The following IGF2R variants were observed in gnomAD, a reference collection of about 807,000 sequenced individuals.
IGF2R encodes the protein insulin like growth factor 2 receptor.
A neutral mutation model predicts 270.6 loss-of-function variants in IGF2R; 91 were observed. The observed-to-expected ratio is 0.34, with a 90% CI of 0.28 to 0.40. The LOEUF is 0.40. IGF2R is among the 10% of genes least tolerant of loss of function. IGF2R has a pLI of 1.00. For synonymous variants in IGF2R, 1,316 were observed against 1,258.9 expected, an observed-to-expected ratio of 1.05 and a Z score of -0.96; for missense variants, 2,805 against 3,188.3, an observed-to-expected ratio of 0.88 and a Z score of 2.90.
chr6:160,088,068 C>T lies in IGF2R; in HGVS notation c.6241C>T (p.Pro2081Ser), dbSNP rs1779133517. Residue 2081 changes from proline (P) to serine (S), a missense_variant, in exon 42 of 48, where the codon CCG (proline) becomes TCG (serine). By Grantham distance (74) the Pro-to-Ser change is moderately conservative. Transcript: ENST00000356956. ...TGTTGTCACGTACTCCAAAGGTTATCCGTGTGGTGGAAATAAGACCGCATC... is the reference window on the plus strand; with the variant it reads ...TGTTGTCACGTACTCCAAAGGTTATTCGTGTGGTGGAAATAAGACCGCATC... Reference protein sequence around the residue: ...KVVVTYSKGYPCGGNKTASSV... With the variant: ...KVVVTYSKGYSCGGNKTASSV... The T allele has an allele frequency of 1.9e-6, 3 of 1,613,590 alleles. No homozygotes were observed. The African/African-American group carries it at 4.0e-5, about 22-fold the overall frequency.
At chr6:159,971,618 A>G (rs1172853309) in intron 1 of IGF2R, among the ~76,000 whole-genome samples, 2 of 152,156 alleles carry the variant, frequency 1.3e-5, no homozygotes, top group Non-Finnish European at 2.9e-5. Flanking sequence ...CTTTAAACCC[A>G]ACATGTGCCA....
intron 31 of IGF2R, 137 bp downstream of exon 31, chr6:160,070,195 T>G: frequency 1.2e-6 from 1 of 843,244 alleles, no homozygotes; most frequent in South Asian, 1.6e-5. Flanking sequence ...TACCAGAGGT[T>G]GGGGGAACAG....
intron 44 of IGF2R, 188 bp from the exon 45 acceptor site, chr6:160,096,251 G>T: frequency 1.9e-6 from 1 of 521,722 alleles, no homozygotes; most frequent in Non-Finnish European, 3.4e-6. Flanking sequence ...GCTGACTAAG[G>T]GCAGGGCTCT....
At chr6:159,972,568 G>A (rs1783626381) in intron 1 of IGF2R, among the ~76,000 whole-genome samples, 1 of 152,202 alleles carries the variant, frequency 6.6e-6, no homozygotes, top group South Asian at 2.1e-4. Flanking sequence ...AGAACCTAGA[G>A]AGAATATTTT....
At chr6:160,066,830 G>T (rs1328423175) in intron 29 of IGF2R, among the ~76,000 whole-genome samples, 1 of 152,088 alleles carries the variant, frequency 6.6e-6, no homozygotes, top group Non-Finnish European at 1.5e-5. Context: ...AGAGCATTTG[G>T]TGATATTCAC....
chr6:160,063,544 C>T lies in IGF2R; in HGVS notation c.3800C>T (p.Ser1267Leu). ...YYFRVCGKLS[S>L]DVCPTSDKSK... ...TTCCGGGTCTGTGGGAAGCTTTCCT[C>T]AGACGTCTGCCCCACAAGTGACAAG... The change falls in exon 27 of 48, where the codon TCA (serine) becomes TTA (leucine). Residue 1267 changes from serine (S) to leucine (L), a missense_variant. Physicochemically the swap from Ser to Leu is moderately radical, Grantham distance 145 (BLOSUM62 -2). Around this residue, in one of 2 missense-constraint regions of IGF2R, gnomAD observed 1,851 missense variants for 2,207.2 expected, o/e 0.84. Transcript: ENST00000356956. The T allele has an allele frequency of 6.2e-7, 1 of 1,614,244 alleles. No individual in the cohort carries two copies. The highest frequency in any genetic ancestry group is 1.3e-5 in the African/African-American group (1 of 75,058).
intron 10 of IGF2R, among the ~76,000 whole-genome samples, chr6:160,039,487 T>C (rs898511178): frequency 2.0e-5 from 3 of 152,214 alleles, no homozygotes; most frequent in East Asian, 3.8e-4. Context: ...AGTGCCTGGC[T>C]GAGATTGTGC....
chr6:160,066,163 C>T (rs1266701738), intron 29 of IGF2R, among the ~76,000 whole-genome samples: 1 of 151,756 alleles, frequency 6.6e-6, no homozygotes, highest in African/African-American at 2.4e-5. Context: ...TACAGGCGCC[C>T]GCCACCACAC....
chr6:159,995,798 A>G lies in IGF2R; in HGVS notation c.289+4475A>G, dbSNP rs190256251. Among the ~76,000 whole-genome samples the G allele has an allele frequency of 5.9e-5, 9 of 151,286 alleles. No homozygotes were observed. In the East Asian group the frequency reaches 1.6e-3, roughly 26 times the overall value. ...ATCTTATTGCGCTTCTTTAAAATCA[A>G]TATTTTGAATTCCTTAGCTGGTATT... On this transcript the variant is annotated intron_variant, in intron 2 of 47. Coordinates refer to ENST00000356956, the MANE Select transcript of IGF2R (RefSeq NM_000876.4).
intron 21 of IGF2R, among the ~76,000 whole-genome samples, chr6:160,058,626 T>G (rs1236408091): frequency 6.6e-6 from 1 of 152,220 alleles, no homozygotes; most frequent in Non-Finnish European, 1.5e-5. Context: ...CTCTTATATA[T>G]GGTACATTAT....
chr6:160,009,072 G>T lies in IGF2R; in HGVS notation c.352G>T (p.Asp118Tyr). 6.2e-7 allele frequency: 1 copy of T among 1,613,932 alleles called. No individual in the cohort carries two copies. The highest frequency in any genetic ancestry group is 1.1e-5 in the South Asian group (1 of 91,052). ...LLEFNTTVSC[D>Y]QQGTNHRVQS... is the part of the protein sequence containing the mutation. ...GGAATTCAACACAACAGTGAGCTGT[G>T]ACCAGCAAGGCACAAATCACAGAGT... The change falls in exon 3 of 48, where the codon GAC becomes TAC. Residue 118 changes from aspartate to tyrosine, a missense_variant. Asp to Tyr is a radical substitution (Grantham distance 160). Coordinates refer to ENST00000356956, the MANE Select transcript of IGF2R (RefSeq NM_000876.4).
intron 29 of IGF2R, among the ~76,000 whole-genome samples, chr6:160,065,776 ATGTGTATG>A (rs1433025206): frequency 2.7e-5 from 3 of 110,014 alleles, no homozygotes; most frequent in Non-Finnish European, 5.3e-5. Context: ...TCCTAGAGAT[ATGTGTATG>A]TGTGTGTGTG....
At chr6:160,013,410 TAAAAAAAA>T (rs34643864) in intron 4 of IGF2R, among the ~76,000 whole-genome samples, 4 of 87,728 alleles carry the variant, frequency 4.6e-5, no homozygotes, top group African/African-American at 1.3e-4. Flanking sequence ...TGGTTCTTTG[TAAAAAAAA>T]AAAAAAAAAA....
At chr6:160,099,665 CCTCATCAACTTTAT>C (rs1296921210) in intron 45 of IGF2R, among the ~76,000 whole-genome samples, 1 of 152,180 alleles carries the variant, frequency 6.6e-6, no homozygotes, top group Non-Finnish European at 1.5e-5. Flanking sequence ...CCGTGCCCGG[CCTCATCAACTTTAT>C]AATGAGACAG....
At chr6:160,019,010 A>T (rs1777370227) in intron 4 of IGF2R, among the ~76,000 whole-genome samples, 1 of 151,972 alleles carries the variant, frequency 6.6e-6, no homozygotes, top group African/African-American at 2.4e-5. Context: ...TACAAAGGAT[A>T]AAAAAAATGA....
intron 4 of IGF2R, among the ~76,000 whole-genome samples, chr6:160,019,337 C>T (rs902866405): frequency 6.6e-6 from 1 of 151,944 alleles, no homozygotes; most frequent in African/African-American, 2.4e-5. Context: ...CAAAAACCTC[C>T]CAACAAAAAA....
Position 160,105,288 on chromosome 6 carries a change from G to A in IGF2R, c.*204G>A. The A allele has an allele frequency of 1.8e-6, 1 of 554,048 alleles. No individual in the cohort carries two copies. The highest frequency in any genetic ancestry group is 3.0e-5 in the East Asian group (1 of 33,338). 34.3% of individuals were successfully genotyped at this position (554,048 alleles called of 1,614,324 possible). A position where few individuals can be genotyped will look rare whatever the true frequency, so the allele number is the denominator to read the frequency against. On this transcript the variant is annotated 3_prime_UTR_variant, in exon 48 of 48. Coordinates refer to ENST00000356956, the MANE Select transcript of IGF2R (RefSeq NM_000876.4). ...TTTACAGTCATTGGAATAAGGCATGGCTCAGATCGGCCACAGGGCGGTACC... is the reference window on the plus strand; with the variant it reads ...TTTACAGTCATTGGAATAAGGCATGACTCAGATCGGCCACAGGGCGGTACC...
At chr6:160,094,960 A>G (rs1035698132) in intron 44 of IGF2R, 15 of 151,294 alleles carry the variant, frequency 9.9e-5, no homozygotes, top group African/African-American at 2.4e-4. Context: ...TTGGTAACCA[A>G]CACTTCTCTC....
intron 15 of IGF2R, 72 bp from the exon 16 acceptor site, chr6:160,047,087 C>T: frequency 6.9e-7 from 1 of 1,447,140 alleles, no homozygotes; most frequent in Non-Finnish European, 9.7e-7. Flanking sequence ...ACGGGCCCTC[C>T]CTTCAGTGTG....
Sources: gnomAD v4.1 joint callset for allele counts (sites outside exome capture counted in the v4.1 genomes callset) on GRCh38, gnomAD v4.1.1 for gene constraint, gnomAD v4.1.1 regional missense constraint, MANE v1.5 for transcripts, NCBI Gene and HGNC (gene_info 2026-07-23, HGNC 2026-07-21) for gene names.